Variants in STAM observed in about 807,000 individuals in gnomAD.
STAM encodes signal transducing adaptor molecule, also known as signal transducing adapter molecule 1.
Under a neutral mutation model 63.4 loss-of-function variants are expected in STAM, and 16 were observed. The ratio of observed to expected loss-of-function variants is 0.25; its 90% confidence interval spans 0.17 to 0.38. The LOEUF is 0.38. STAM is among the 10% of genes least tolerant of loss of function. The pLI, the probability that STAM is intolerant of heterozygous loss-of-function variation, is 1.00. For synonymous variants in STAM, 238 were observed against 223.9 expected (o/e 1.06, Z -0.56); for missense variants, 636 against 657.1 (o/e 0.97, Z 0.35).
intron 8 of STAM, 137 bp downstream of exon 8, chr10:17,697,006 G>A (rs1367232879): frequency 1.3e-5 from 8 of 634,044 alleles, no homozygotes; most frequent in African/African-American, 1.1e-4. Context: ...TGCAACCTCC[G>A]CCTCCTGGGT....
At chr10:17,694,278 T>C (rs1835664488) in intron 6 of STAM, among the ~76,000 whole-genome samples, 1 of 152,220 alleles carries the variant, frequency 6.6e-6, no homozygotes, top group South Asian at 2.1e-4. Flanking sequence ...TTTTTTATTA[T>C]GATTTTTACT....
intron 13 of STAM, 147 bp downstream of exon 13, chr10:17,709,098 C>A (rs1836438796): frequency 5.5e-6 from 5 of 905,660 alleles, no homozygotes; most frequent in African/African-American, 1.7e-5. Context: ...AGTGGTGGAG[C>A]CTCTGTGGTA....
intron 8 of STAM, among the ~76,000 whole-genome samples, chr10:17,698,050 TAAAGAG>T (rs1835838942): frequency 1.3e-5 from 2 of 152,172 alleles, no homozygotes; most frequent in Non-Finnish European, 2.9e-5. Flanking sequence ...ATGTTAACAA[TAAAGAG>T]ATACTTCACT....
At chr10:17,690,690 G>A (rs1179415286) in intron 5 of STAM, among the ~76,000 whole-genome samples, 2 of 152,166 alleles carry the variant, frequency 1.3e-5, no homozygotes, top group Non-Finnish European at 2.9e-5. Flanking sequence ...AACCTCTGAA[G>A]ATATATTTTT....
intron 11 of STAM, among the ~76,000 whole-genome samples, 154 bp downstream of exon 11, chr10:17,705,178 T>C (rs1836204630): frequency 6.6e-6 from 1 of 152,202 alleles, no homozygotes; most frequent in Non-Finnish European, 1.5e-5. Flanking sequence ...AGAATTAGAC[T>C]CATTTGTCCT....
Position 17,660,444 on chromosome 10 carries a change from A to T in STAM, c.41-20A>T. ...AGATTTGAAAAATAATGTTTCTGCA[A>T]TCCCCTTTACAATCTACAGAGAAAG... is the stretch of plus-strand genomic sequence containing the variant. On this transcript the variant is annotated intron_variant, in intron 1 of 13. Transcript: ENST00000377524. 2 of 1,512,516 alleles carry T rather than the reference A, an allele frequency of 1.3e-6. No individual in the cohort carries two copies. The highest frequency in any genetic ancestry group is 1.8e-6 in the Non-Finnish European group (2 of 1,115,948). The allele number at this position is 1,512,516 out of a possible 1,614,324, so 93.7% of individuals were successfully genotyped here.
chr10:17,674,014 G>C lies in STAM; in HGVS notation c.126-10661G>C, dbSNP rs184037874. Among the ~76,000 whole-genome samples the C allele has an allele frequency of 6.0e-3, 907 of 152,226 alleles. 9 individuals carry two copies. The highest frequency in any genetic ancestry group is 0.021 in the African/African-American group (863 of 41,522). On this transcript the variant is annotated intron_variant, in intron 2 of 13. Coordinates refer to ENST00000377524, the MANE Select transcript of STAM (RefSeq NM_003473.4). The stretch of plus-strand genomic sequence containing the variant: ...AGAACAGCAGGGCGGGAGAGTCCTT[G>C]GAGGGACTGGAGGTCCAAGAGAGCA...
At chr10:17,668,195 G>T (rs1249353789) in intron 2 of STAM, among the ~76,000 whole-genome samples, 1 of 152,210 alleles carries the variant, frequency 6.6e-6, no homozygotes, top group Non-Finnish European at 1.5e-5. Flanking sequence ...ATTGACAGGT[G>T]AAGGGGCATT....
chr10:17,696,805 T>A lies in STAM; in HGVS notation c.759T>A (p.His253Gln). ...CTAACTGGTGGAAAGGTGAAACCCA[T>A]CAAGGCATAGGGTTATTTCCTTCTA... ...SDPNWWKGET[H>Q]QGIGLFPSNF... The change falls in exon 8 of 14, where the codon CAT becomes CAA. Residue 253 changes from histidine to glutamine, a missense_variant. By Grantham distance (24) the His-to-Gln change is conservative. This residue lies in a region of STAM where 532 missense variants were observed against 536.9 expected (regional missense o/e 0.99). Coordinates refer to ENST00000377524, the MANE Select transcript of STAM (RefSeq NM_003473.4). The A allele has an allele frequency of 6.2e-7, 1 of 1,613,984 alleles. No homozygotes were observed. The highest frequency in any genetic ancestry group is 1.1e-5 in the South Asian group (1 of 91,086).
Position 17,712,419 on chromosome 10 carries a change from T to G in STAM, c.1386-2124T>G, listed in dbSNP as rs368916030. Among the ~76,000 whole-genome samples, 7 of 152,322 alleles carry G rather than the reference T, an allele frequency of 4.6e-5. No homozygotes were observed. The East Asian group carries it at 1.3e-3, about 29-fold the overall frequency. ...TAATCAACTTTATATCTCACACATA[T>G]GGAGTGATGACAAATAATGCCTTAG... On this transcript the variant is annotated intron_variant, in intron 13 of 13. Transcript: ENST00000377524.
chr10:17,685,803 A>G (rs1835270690), intron 4 of STAM, among the ~76,000 whole-genome samples: 2 of 152,208 alleles, frequency 1.3e-5, no homozygotes, highest in African/African-American at 2.4e-5. Context: ...GGACCCTACA[A>G]CTGCCCACTC....
intron 5 of STAM, among the ~76,000 whole-genome samples, chr10:17,689,925 C>T (rs1219517660): frequency 6.6e-6 from 1 of 152,192 alleles, no homozygotes; most frequent in Admixed American, 6.5e-5. Flanking sequence ...TAGAGGACAG[C>T]CTTCAGTGCA....
chr10:17,653,103 T>A (rs1331685315), intron 1 of STAM, among the ~76,000 whole-genome samples: 1 of 152,108 alleles, frequency 6.6e-6, no homozygotes, highest in South Asian at 2.1e-4. Flanking sequence ...ACTAACCATG[T>A]GATTAAAGGA....
chr10:17,709,079 G>A, intron 13 of STAM, 128 bp downstream of exon 13: 1 of 1,072,120 alleles, frequency 9.3e-7, no homozygotes, highest in African/African-American at 1.6e-5. Flanking sequence ...CGCCCCATTT[G>A]TGCTAATGAG....
intron 5 of STAM, among the ~76,000 whole-genome samples, chr10:17,691,392 C>T (rs1170508671): frequency 6.6e-6 from 1 of 152,046 alleles, no homozygotes; most frequent in Non-Finnish European, 1.5e-5. Flanking sequence ...GTGGCAGGTG[C>T]CTGTAGTCCC....
At chr10:17,700,587 A>AT (rs58878170) in intron 9 of STAM, among the ~76,000 whole-genome samples, 14,823 of 146,034 alleles carry the variant, frequency 0.1, 812 homozygotes, top group African/African-American at 0.14. Context: ...TAGTAGTGAG[A>AT]TTTTTTTTTT....
intron 5 of STAM, among the ~76,000 whole-genome samples, chr10:17,690,175 A>G (rs1041516968): frequency 2.0e-5 from 3 of 152,228 alleles, no homozygotes; most frequent in Non-Finnish European, 4.4e-5. Context: ...GAACACAGGC[A>G]TGCTGATTCT....
At chr10:17,658,079 T>C (rs1474212618) in intron 1 of STAM, among the ~76,000 whole-genome samples, 3 of 152,136 alleles carry the variant, frequency 2.0e-5, no homozygotes, top group African/African-American at 7.2e-5. Flanking sequence ...CTTGATTCTT[T>C]TTAAAAATAT....
chr10:17,685,001 C>A, intron 4 of STAM, 74 bp downstream of exon 4: 1 of 1,228,490 alleles, frequency 8.1e-7, no homozygotes, highest in Non-Finnish European at 1.2e-6. Context: ...TAAATCTTCA[C>A]AGAGGACTAT....
Sources: allele counts gnomAD v4.1 joint callset (sites outside exome capture counted in the v4.1 genomes callset), GRCh38; gene constraint gnomAD v4.1.1; regional missense constraint gnomAD v4.1.1; transcripts MANE v1.5; gene names NCBI Gene and HGNC (gene_info 2026-07-23, HGNC 2026-07-21).